Variants in RNASEH1 observed in about 807,000 individuals in gnomAD.
The protein encoded by RNASEH1 is ribonuclease H1, also known as ribonuclease H type II.
RNASEH1 carries 27 observed loss-of-function variants against 34.6 expected under a neutral mutation model. The ratio of observed to expected loss-of-function variants is 0.78; its 90% CI spans 0.58 to 1.08. The LOEUF is 1.08. Ranked by LOEUF, RNASEH1 falls within the 50% of genes least tolerant of loss-of-function variation. The probability of loss-of-function intolerance (pLI) is 0.00; values close to 1 mark genes in which losing one functional copy is unlikely to be tolerated. For missense variants in RNASEH1, 349 were observed against 373.6 expected (o/e 0.93, Z 0.54); for synonymous variants, 162 against 138.4 (o/e 1.17, Z -1.20).
At chr2:3,534,501 G>A in the RNASEH1 span, among the ~76,000 whole-genome samples, 7 of 152,202 alleles carry the variant, frequency 4.6e-5, no homozygotes, top group Non-Finnish European at 1.0e-4. Flanking sequence ...GACACCCTTG[G>A]GGCTCTGCGG....
At chr2:3,549,517 T>G (rs1045792689) in intron 4 of RNASEH1, among the ~76,000 whole-genome samples, 2 of 152,126 alleles carry the variant, frequency 1.3e-5, no homozygotes, top group African/African-American at 4.8e-5. Flanking sequence ...TATTTAAAAT[T>G]TGGGGTCACC....
the RNASEH1 span, chr2:3,533,885 G>A: frequency 6.6e-6 from 1 of 152,294 alleles, no homozygotes; most frequent in East Asian, 1.9e-4. Flanking sequence ...AGGCAGACTG[G>A]GGCAGGTCCC....
chr2:3,549,000 T>C (rs1669026801), intron 5 of RNASEH1, 58 bp downstream of exon 5: 2 of 1,313,814 alleles, frequency 1.5e-6, no homozygotes, highest in African/African-American at 2.9e-5. Context: ...TTAGTTTATT[T>C]GATAATTTCA....
chr2:3,545,419 CCA>C lies in RNASEH1; in HGVS notation c.*364_*365del. 1 of 225,616 alleles carries C rather than the reference CCA, an allele frequency of 4.4e-6. No individual in the cohort carries two copies. The highest frequency in any genetic ancestry group is 7.4e-5 in the South Asian group (1 of 13,572). 14.0% of individuals were successfully genotyped at this position (225,616 alleles called of 1,614,324 possible). On this transcript the variant is annotated 3_prime_UTR_variant, in exon 8 of 8. Transcript: ENST00000315212. ...GTAAATGGATGCTTTCAGAATACTT[CCA>C]GACTTCTGAGTTGCATCTTTTAACC...
At position 3,552,224 on chromosome 2, in the gene RNASEH1, C is replaced by A. The variant is rs1300199739; in HGVS notation, c.329G>T (p.Ser110Ile). The A allele has an allele frequency of 6.2e-7, 1 of 1,613,746 alleles. No homozygotes were observed. Among genetic ancestry groups the A allele is most frequent in the Non-Finnish European group, 8.5e-7 (1 of 1,180,032 alleles). ...REPLDGDGHESAEPYAKHMKP... is the reference protein window; with the variant it reads ...REPLDGDGHEIAEPYAKHMKP... ...CATGTGCTTTGCATACGGCTCTGCG[C>A]TTTCATGTCCATCTCCATCCAGTGG... The change falls in exon 3 of 8, where the codon AGC becomes ATC. Residue 110 changes from serine to isoleucine, a missense_variant. Physicochemically the swap from Ser to Ile is moderately radical, Grantham distance 142. Transcript: ENST00000315212.
intron 3 of RNASEH1, 84 bp downstream of exon 3, chr2:3,552,060 C>G (rs1158955497): frequency 1.8e-6 from 2 of 1,089,610 alleles, no homozygotes; most frequent in Admixed American, 2.4e-5. Flanking sequence ...AGCTCAAACT[C>G]CCCCCATCAA....
At chr2:3,532,309 T>A in the RNASEH1 span, 3 of 702,346 alleles carry the variant, frequency 4.3e-6, no homozygotes, top group South Asian at 4.4e-5. Flanking sequence ...TTTATAATGA[T>A]GCTGTGGGAA....
chr2:3,532,651 A>T, the RNASEH1 span, among the ~76,000 whole-genome samples: 1 of 152,214 alleles, frequency 6.6e-6, no homozygotes, highest in East Asian at 1.9e-4. Context: ...ATCTAAGCAT[A>T]GGAAAGTTAC....
chr2:3,547,216 C>T (rs567984093), intron 7 of RNASEH1, among the ~76,000 whole-genome samples: 3 of 152,276 alleles, frequency 2.0e-5, no homozygotes, highest in East Asian at 1.9e-4. Flanking sequence ...CTCACTCTGT[C>T]GCCCAGGCTA....
At chr2:3,557,535 A>G (rs567709076) in intron 1 of RNASEH1, 1 of 233,668 alleles carries the variant, frequency 4.3e-6, no homozygotes, top group Non-Finnish European at 8.7e-6. Flanking sequence ...CAGGTAACGA[A>G]CTTTGGTATC....
In RNASEH1 at chr2:3,544,299, T is replaced by A. The variant is rs373042886; in HGVS notation, c.*1486A>T. Among the ~76,000 whole-genome samples the A allele has an allele frequency of 2.0e-5, 3 of 152,284 alleles. No homozygotes were observed. In the South Asian group the frequency reaches 6.2e-4, roughly 32 times the overall value. On this transcript the variant is annotated 3_prime_UTR_variant, in exon 8 of 8. Transcript: ENST00000315212. ...AAGCCTCTGGACCCAGCTGCCAATG[T>A]GCAGGAAACATAGAGGACCATGCTG...
rs1203306628 is a variant in RNASEH1 at position 3,544,477 on chromosome 2, A to G, written c.*1308T>C. Among the ~76,000 whole-genome samples the G allele has an allele frequency of 1.3e-5, 2 of 152,192 alleles. No individual in the cohort carries two copies. Among genetic ancestry groups the G allele is most frequent in the East Asian group, 3.9e-4 (2 of 5,190 alleles). On this transcript the variant is annotated 3_prime_UTR_variant, in exon 8 of 8. Coordinates refer to ENST00000315212, the MANE Select transcript of RNASEH1 (RefSeq NM_002936.6). The stretch of plus-strand genomic sequence containing the variant: ...GAAGTAGATAAAAAAATAAACAAAA[A>G]AAAGCAGACAAGACTAAACTGCCAT...
the RNASEH1 span, chr2:3,533,053 T>G: frequency 1.3e-5 from 2 of 152,202 alleles, no homozygotes; most frequent in Admixed American, 1.3e-4. Flanking sequence ...GGGCCTTTTC[T>G]CCAAAGAGAG....
At chr2:3,546,041 C>T (rs772149130) in intron 7 of RNASEH1, among the ~76,000 whole-genome samples, 170 bp from the exon 8 acceptor site, 24 of 152,206 alleles carry the variant, frequency 1.6e-4, no homozygotes, top group Non-Finnish European at 2.2e-4. Context: ...ATTCTTCATG[C>T]GTTTACGCAA....
rs1343530208 is a variant in RNASEH1, at chr2:3,541,432, A to T, written c.*4353T>A. 6.6e-6 allele frequency among the ~76,000 whole-genome samples: 1 copy of T among 152,194 alleles called. No homozygotes were observed. The highest frequency in any genetic ancestry group is 1.5e-5 in the Non-Finnish European group (1 of 68,030). On this transcript the variant is annotated 3_prime_UTR_variant, in exon 8 of 8. Coordinates refer to ENST00000315212, the MANE Select transcript of RNASEH1 (RefSeq NM_002936.6). ...AACAGAAGACAAAGACGAGGATATA[A>T]ATGTTCACGGCAGCTTTATTTGCTT... is the stretch of plus-strand genomic sequence containing the variant.
At chr2:3,552,911 C>T (rs748807048) in intron 2 of RNASEH1, among the ~76,000 whole-genome samples, 4 of 152,040 alleles carry the variant, frequency 2.6e-5, no homozygotes, top group African/African-American at 4.8e-5. Flanking sequence ...TACATGGACA[C>T]GAAGTTAAGA....
Position 3,545,580 on chromosome 2 carries a change from A to C in RNASEH1, c.*205T>G, listed in dbSNP as rs766944055. On this transcript the variant is annotated 3_prime_UTR_variant, in exon 8 of 8. Coordinates refer to ENST00000315212, the MANE Select transcript of RNASEH1 (RefSeq NM_002936.6). ...ATGTGGAAATCTCACATAATTCTCC[A>C]ATCTCAAAGATGTTCAATTTATTAT... is the stretch of plus-strand genomic sequence containing the variant. 1.6e-5 allele frequency: 9 copies of C among 567,722 alleles called. No homozygotes were observed. In the South Asian group the frequency reaches 2.1e-4, roughly 13 times the overall value. 35.2% of individuals were successfully genotyped at this position (567,722 alleles called of 1,614,324 possible). A position where few individuals can be genotyped will look rare whatever the true frequency, so the allele number is the denominator to read the frequency against.
In RNASEH1 at chr2:3,542,020, C is replaced by G. The variant is rs144474893; in HGVS notation, c.*3765G>C. Among the ~76,000 whole-genome samples the G allele has an allele frequency of 1.3e-5, 2 of 152,158 alleles. No homozygotes were observed. The highest frequency in any genetic ancestry group is 2.9e-5 in the Non-Finnish European group (2 of 68,004). The stretch of plus-strand genomic sequence containing the variant: ...ATAACAAAACAAAACAAAAGTGGTA[C>G]AATAACAACTTTTAAAACTCAAAAA... On this transcript the variant is annotated 3_prime_UTR_variant, in exon 8 of 8. Transcript: ENST00000315212.
Position 3,541,778 on chromosome 2 carries a change from G to A in RNASEH1, c.*4007C>T, listed in dbSNP as rs1668326512. Among the ~76,000 whole-genome samples the A allele has an allele frequency of 6.6e-6, 1 of 152,234 alleles. No homozygotes were observed. Among genetic ancestry groups the A allele is most frequent in the African/African-American group, 2.4e-5 (1 of 41,462 alleles). The stretch of plus-strand genomic sequence containing the variant: ...TGGTGATGGACATGTTCTGGCGACA[G>A]CTTCACAGGCAAATGCATCGGTCAC... On this transcript the variant is annotated 3_prime_UTR_variant, in exon 8 of 8. Coordinates refer to ENST00000315212, the MANE Select transcript of RNASEH1 (RefSeq NM_002936.6).
Sources: allele counts gnomAD v4.1 joint callset (sites outside exome capture counted in the v4.1 genomes callset), GRCh38; gene constraint gnomAD v4.1.1; transcripts MANE v1.5; gene names NCBI Gene and HGNC (gene_info 2026-07-23, HGNC 2026-07-21).